Variants in CPAMD8 observed in about 807,000 individuals in gnomAD.
CPAMD8 encodes C3 and PZP like alpha-2-macroglobulin domain containing 8.
A neutral mutation model predicts 224.7 loss-of-function variants in CPAMD8; 146 were observed. The observed-to-expected ratio is 0.65, with a 90% CI of 0.57 to 0.75. The LOEUF is 0.75. CPAMD8 is among the 30% of genes least tolerant of loss of function. CPAMD8 has a pLI of 0.00. For synonymous variants in CPAMD8, 966 were observed against 1,044.6 expected, an observed-to-expected ratio of 0.92 and a Z score of 1.45; for missense variants, 2,301 against 2,537.5, an observed-to-expected ratio of 0.91 and a Z score of 2.00.
chr19:16,990,852 A>G (rs1010596459), intron 12 of CPAMD8, among the ~76,000 whole-genome samples: 1 of 139,262 alleles, frequency 7.2e-6, no homozygotes. Flanking sequence ...AATAAGAGCA[A>G]AACTCTGTCT....
Position 16,922,005 on chromosome 19 carries a change from G to A in CPAMD8, c.3548-19C>T. The stretch of plus-strand genomic sequence containing the variant: ...TGGTAGCCTGTGGGGCAAGCAGAGA[G>A]GACCCTGTCCTGTTGAGTGGCCTGG... On this transcript the variant is annotated intron_variant, in intron 26 of 41. Coordinates refer to ENST00000443236, the MANE Select transcript of CPAMD8 (RefSeq NM_015692.5). 2.0e-6 allele frequency: 3 copies of A among 1,536,984 alleles called. No homozygotes were observed. The highest frequency in any genetic ancestry group is 1.8e-6 in the Non-Finnish European group (2 of 1,138,254).
chr19:17,011,494 G>A lies in CPAMD8; in HGVS notation c.456C>T (p.Val152=). ...CGTTGACAGGCCTCAGATTTGGAGA[G>A]ACGGTGAAGATGCTTATGAGCACTA... The part of the protein sequence containing the change: ...QHRVLISIFT[V]SPNLRPVNEK... Residue 152 remains valine (V), a synonymous_variant, in exon 5 of 42, where the codon GTC becomes GTT. Transcript: ENST00000443236. 6.2e-7 allele frequency: 1 copy of A among 1,614,232 alleles called. No individual in the cohort carries two copies. The highest frequency in any genetic ancestry group is 8.5e-7 in the Non-Finnish European group (1 of 1,180,040).
intron 27 of CPAMD8, among the ~76,000 whole-genome samples, chr19:16,918,231 G>C (rs534875272): frequency 1.3e-5 from 2 of 152,220 alleles, no homozygotes; most frequent in South Asian, 4.1e-4. Context: ...CTGACCTCAG[G>C]TGATCCGCCT....
Position 16,929,028 on chromosome 19 carries a change from GCT to G in CPAMD8, c.3056_3057del (p.Glu1019AlafsTer15). On this transcript the variant is annotated frameshift_variant, in exon 24 of 42. Transcript: ENST00000443236. LOFTEE classifies it high-confidence loss of function. ...TTGGCCGTGTGTGCACTGGCCACGG[GCT>G]CTCCCATCTTGCTGGTGGAGATCCA... ...RSWISTSKMGEPVASAHTAKI... is the reference protein window; with the variant it reads ...RSWISTSKMGXPVASAHTAKI... The G allele has an allele frequency of 6.2e-7, 1 of 1,613,708 alleles. No homozygotes were observed.
chr19:17,017,589 A>C (rs1413202557), intron 3 of CPAMD8, among the ~76,000 whole-genome samples: 2 of 152,190 alleles, frequency 1.3e-5, no homozygotes, highest in Non-Finnish European at 2.9e-5. Flanking sequence ...GCCTCCACCC[A>C]CCAGATGCCA....
chr19:16,917,375 T>TGTGTATGGGGGTGTAGAG (rs1380046675), intron 27 of CPAMD8, among the ~76,000 whole-genome samples: 1 of 152,182 alleles, frequency 6.6e-6, no homozygotes, highest in African/African-American at 2.4e-5. Context: ...CATGGGAAGC[T>TGTGTATGGGGGTGTAGAG]GTGTATGGGG....
intron 30 of CPAMD8, 22 bp downstream of exon 30, chr19:16,906,930 G>C: frequency 6.4e-7 from 1 of 1,567,884 alleles, no homozygotes; most frequent in Non-Finnish European, 8.6e-7. Flanking sequence ...TGTGGCCTCT[G>C]GGGAGGGCCA....
intron 41 of CPAMD8, 81 bp from the exon 42 acceptor site, chr19:16,893,420 C>CT: frequency 1.0e-6 from 1 of 994,894 alleles, no homozygotes; most frequent in Non-Finnish European, 1.4e-6. Flanking sequence ...GCCACAGGGC[C>CT]TGTCGCTTGT....
intron 34 of CPAMD8, 106 bp downstream of exon 34, chr19:16,903,455 T>C: frequency 6.6e-7 from 1 of 1,522,080 alleles, no homozygotes; most frequent in South Asian, 1.2e-5. Flanking sequence ...GGCATGCTGC[T>C]GAGTTCAGAA....
chr19:16,980,186 G>A (rs2055457624), intron 14 of CPAMD8, among the ~76,000 whole-genome samples: 1 of 152,186 alleles, frequency 6.6e-6, no homozygotes, highest in African/African-American at 2.4e-5. Context: ...AGGACTCATA[G>A]GCAGAACCGC....
In CPAMD8 at chr19:16,907,021, G is replaced by A; in HGVS notation, c.3958C>T (p.Leu1320=). 6.2e-7 allele frequency: 1 copy of A among 1,608,648 alleles called. No homozygotes were observed. The part of the protein sequence containing the change: ...PYSCALTTYA[L]TLLRSPAAPE... Reference sequence around the variant, plus strand: ...GCTGCCGGGCTGCGGAGCAGGGTCAGCGCGTAGGTAGTCAGGGCACAGCTA... The same window carrying A: ...GCTGCCGGGCTGCGGAGCAGGGTCAACGCGTAGGTAGTCAGGGCACAGCTA... Residue 1320 remains leucine, a synonymous_variant, in exon 30 of 42, where the codon CTG becomes TTG. Transcript: ENST00000443236.
chr19:16,928,631 T>C (rs2144958428), intron 24 of CPAMD8, among the ~76,000 whole-genome samples: 1 of 152,270 alleles, frequency 6.6e-6, no homozygotes, highest in South Asian at 2.1e-4. Flanking sequence ...TTAGCTTCTA[T>C]ATCTTCTTTT....
chr19:16,951,154 C>T (rs752713570), intron 20 of CPAMD8, among the ~76,000 whole-genome samples: 6 of 152,174 alleles, frequency 3.9e-5, no homozygotes, highest in Non-Finnish European at 8.8e-5. Flanking sequence ...GAGGCTCCGA[C>T]ACACCAACAG....
In CPAMD8 at chr19:16,904,377, G is replaced by A. The variant is rs2052385439; in HGVS notation, c.4115-15C>T. ...GGCCGAGACCACTGCAATGGAAGAGGCCCACTGGGGACTTTTGACACAGGG... is the reference window on the plus strand; with the variant it reads ...GGCCGAGACCACTGCAATGGAAGAGACCCACTGGGGACTTTTGACACAGGG... On this transcript the variant is annotated splice_polypyrimidine_tract_variant and intron_variant, in intron 31 of 41. Transcript: ENST00000443236. 1.2e-6 allele frequency: 2 copies of A among 1,614,056 alleles called. No homozygotes were observed. The highest frequency in any genetic ancestry group is 2.2e-5 in the East Asian group (1 of 44,864).
At chr19:17,020,463 G>A (rs1374542877) in intron 2 of CPAMD8, 110 bp from the exon 3 acceptor site, 8 of 780,262 alleles carry the variant, frequency 1.0e-5, no homozygotes, top group Non-Finnish European at 1.8e-5. Flanking sequence ...GGGGTTTCAT[G>A]TGGACAAACA....
chr19:16,943,305 C>G (rs1319999044), intron 22 of CPAMD8, among the ~76,000 whole-genome samples: 1 of 152,144 alleles, frequency 6.6e-6, no homozygotes, highest in Non-Finnish European at 1.5e-5. Flanking sequence ...CGTGAGCCAC[C>G]GTGCCCGGCC....
chr19:16,957,963 A>T, intron 18 of CPAMD8, 48 bp from the exon 19 acceptor site: 2 of 1,532,980 alleles, frequency 1.3e-6, no homozygotes, highest in Non-Finnish European at 1.8e-6. Flanking sequence ...AACATAACAA[A>T]TCTTATGTGA....
intron 8 of CPAMD8, among the ~76,000 whole-genome samples, chr19:17,003,087 G>C (rs976944184): frequency 6.6e-6 from 1 of 151,626 alleles, no homozygotes; most frequent in Non-Finnish European, 1.5e-5. Flanking sequence ...ATTTTTAGTA[G>C]AGATGGGGTT....
intron 20 of CPAMD8, among the ~76,000 whole-genome samples, chr19:16,948,840 A>AGGGAAGGGAG (rs1481860109): frequency 5.5e-4 from 45 of 81,754 alleles, no homozygotes; most frequent in South Asian, 9.6e-4. Flanking sequence ...AGGGAGGAGA[A>AGGGAAGGGAG]GGGAAGAGAA....
Sources: allele counts gnomAD v4.1 joint callset (sites outside exome capture counted in the v4.1 genomes callset), GRCh38; gene constraint gnomAD v4.1.1; transcripts MANE v1.5; gene names NCBI Gene and HGNC (gene_info 2026-07-23, HGNC 2026-07-21).